ERI3: variants seen among roughly 807,000 people sequenced by gnomAD.
The protein encoded by ERI3 is ERI1 exoribonuclease family member 3.
Under a neutral mutation model 44.4 loss-of-function variants are expected in ERI3, and 18 were observed. That is an observed-to-expected ratio of 0.41 (90% CI 0.28 to 0.60). ERI3 has a LOEUF of 0.60. Among genes scored for constraint, ERI3 ranks in the 20% least tolerant of loss-of-function variants. The probability of loss-of-function intolerance (pLI) is 0.36; values close to 1 mark genes in which losing one functional copy is unlikely to be tolerated. For synonymous variants in ERI3, 183 were observed against 164.8 expected (o/e 1.11, Z -0.84); for missense variants, 294 against 435.5 (o/e 0.68, Z 2.89).
At chr1:44,326,844 C>G (rs985695382) in intron 3 of ERI3, among the ~76,000 whole-genome samples, 4 of 152,190 alleles carry the variant, frequency 2.6e-5, no homozygotes. Context: ...ATAGACACTG[C>G]TATTCTTTAT....
chr1:44,327,140 T>C (rs928893474), intron 3 of ERI3, among the ~76,000 whole-genome samples: 5 of 152,230 alleles, frequency 3.3e-5, no homozygotes, highest in Admixed American at 1.3e-4. Context: ...TAGCTACCTG[T>C]AGACACACAT....
intron 8 of ERI3, among the ~76,000 whole-genome samples, chr1:44,246,522 G>A (rs1557781972): frequency 6.6e-6 from 1 of 152,212 alleles, no homozygotes; most frequent in Non-Finnish European, 1.5e-5. Flanking sequence ...CTTCCTCTTA[G>A]CCTGAGCCCT....
At chr1:44,283,643 A>G (rs1645333454) in intron 7 of ERI3, among the ~76,000 whole-genome samples, 1 of 152,216 alleles carries the variant, frequency 6.6e-6, no homozygotes, top group Admixed American at 6.5e-5. Context: ...AGGGGGTATG[A>G]GTCAAACTGC....
At chr1:44,285,629 C>T (rs1293054455) in intron 6 of ERI3, among the ~76,000 whole-genome samples, 1 of 152,118 alleles carries the variant, frequency 6.6e-6, no homozygotes. Flanking sequence ...GATGGTTTTA[C>T]TCAGACAAAT....
chr1:44,353,556 G>A (rs1646938732), intron 1 of ERI3: 2 of 985,252 alleles, frequency 2.0e-6, no homozygotes, highest in Non-Finnish European at 2.4e-6. Context: ...ATATATTCCT[G>A]TCTACCATTC....
At chr1:44,288,493 C>A (rs765584454) in intron 6 of ERI3, among the ~76,000 whole-genome samples, 4 of 152,172 alleles carry the variant, frequency 2.6e-5, no homozygotes, top group African/African-American at 7.2e-5. Context: ...CTACCACACA[C>A]CCTACCCCAG....
intron 3 of ERI3, among the ~76,000 whole-genome samples, chr1:44,323,303 G>C (rs376658346): frequency 4.6e-5 from 7 of 152,164 alleles, no homozygotes; most frequent in African/African-American, 1.7e-4. Flanking sequence ...GACTATGAGT[G>C]GAAAAGATAG....
rs953046034 is a variant in ERI3, at chr1:44,352,897, G to C, written c.164C>G (p.Pro55Arg). The C allele has an allele frequency of 3.7e-6, 6 of 1,614,002 alleles. No homozygotes were observed. In the African/African-American group the frequency reaches 8.0e-5, roughly 22 times the overall value. Residue 55 changes from proline to arginine, a missense_variant, in exon 2 of 9, where the codon CCT becomes CGT. Transcript: ENST00000372257. ...GHWGFPALTEPSASPAAGLGI... is the reference protein window; with the variant it reads ...GHWGFPALTERSASPAAGLGI... ...AAGACCGGCAGCTGGGGATGCTGAA[G>C]GTTCTGTGAGAGCTGGAAAGCCCCA...
At chr1:44,285,665 C>T (rs1297611700) in intron 6 of ERI3, among the ~76,000 whole-genome samples, 1 of 152,116 alleles carries the variant, frequency 6.6e-6, no homozygotes, top group Non-Finnish European at 1.5e-5. Flanking sequence ...TGCACTGATG[C>T]TTAACAAGGG....
chr1:44,228,715 A>G lies in ERI3; in HGVS notation c.932-7075T>C, dbSNP rs1452064513. Among the ~76,000 whole-genome samples the G allele has an allele frequency of 2.0e-5, 3 of 152,238 alleles. No individual in the cohort carries two copies. The highest frequency in any genetic ancestry group is 7.2e-5 in the African/African-American group (3 of 41,558). ...GGAGGGGGGGATGTGCCTGGCCGGG[A>G]GGGCACAGTGCCTGGAAACCCCTTT... On this transcript the variant is annotated intron_variant, in intron 8 of 8. Coordinates refer to ENST00000372257, the MANE Select transcript of ERI3 (RefSeq NM_024066.3). This position sits in a 1 kb window ranked among gnomAD's most constrained non-coding sequence, Gnocchi z 4.3.
At chr1:44,315,358 C>G (rs1646064644) in intron 4 of ERI3, among the ~76,000 whole-genome samples, 2 of 152,234 alleles carry the variant, frequency 1.3e-5, no homozygotes, top group South Asian at 4.1e-4. Flanking sequence ...AGGTCAGCAC[C>G]TGTGTGTACC....
chr1:44,339,422 T>C (rs572956776), intron 2 of ERI3, 100 bp from the exon 3 acceptor site: 1 of 1,278,686 alleles, frequency 7.8e-7, no homozygotes, highest in Admixed American at 2.9e-5. Context: ...TGTGGCCCTG[T>C]TCCATCTAGT....
At chr1:44,276,519 T>C (rs1246342617) in intron 7 of ERI3, among the ~76,000 whole-genome samples, 2 of 152,176 alleles carry the variant, frequency 1.3e-5, no homozygotes, top group Admixed American at 6.5e-5. Flanking sequence ...TTCTTTTCCA[T>C]ACAACATCAG....
chr1:44,254,838 C>T (rs1644749903), intron 7 of ERI3, among the ~76,000 whole-genome samples: 1 of 151,686 alleles, frequency 6.6e-6, no homozygotes, highest in South Asian at 2.1e-4. Context: ...AGGCCAACAC[C>T]GTACTTGTGC....
At chr1:44,237,361 T>A (rs1049774100) in intron 8 of ERI3, among the ~76,000 whole-genome samples, 1 of 152,120 alleles carries the variant, frequency 6.6e-6, no homozygotes, top group Non-Finnish European at 1.5e-5. Flanking sequence ...CCCACAATGA[T>A]CTCTTTCCCA....
chr1:44,306,615 T>C (rs1645839262), intron 6 of ERI3, among the ~76,000 whole-genome samples: 1 of 152,198 alleles, frequency 6.6e-6, no homozygotes, highest in Non-Finnish European at 1.5e-5. Context: ...TCCCTCTCCA[T>C]CTCATGGGGA....
chr1:44,338,147 T>A (rs1204134866), intron 3 of ERI3, among the ~76,000 whole-genome samples: 1 of 152,164 alleles, frequency 6.6e-6, no homozygotes, highest in African/African-American at 2.4e-5. Flanking sequence ...GCAAAGAAAT[T>A]GTCCTTTCCA....
intron 7 of ERI3, among the ~76,000 whole-genome samples, chr1:44,257,441 C>G (rs1359510279): frequency 1.3e-5 from 2 of 152,092 alleles, no homozygotes; most frequent in African/African-American, 4.8e-5. Flanking sequence ...CTTTCCACAT[C>G]CAGGGCTGGC....
Position 44,235,383 on chromosome 1 carries a change from C to G in ERI3, c.931+12556G>C, listed in dbSNP as rs1644280558. 6.6e-6 allele frequency among the ~76,000 whole-genome samples: 1 copy of G among 152,170 alleles called. No homozygotes were observed. The highest frequency in any genetic ancestry group is 1.5e-5 in the Non-Finnish European group (1 of 68,018). On this transcript the variant is annotated intron_variant, in intron 8 of 8. Transcript: ENST00000372257. The surrounding 1 kb of genome is among the most constrained non-coding windows in gnomAD (Gnocchi z 4.6). ...TAGTGCTTCCTCTAGGTGCCTTCCC[C>G]CCATCCCGCCTTTGTGTTAGGAACC...
Sources: allele counts gnomAD v4.1 joint callset (sites outside exome capture counted in the v4.1 genomes callset), GRCh38; gene constraint gnomAD v4.1.1; non-coding constraint Gnocchi (gnomAD v3.1); transcripts MANE v1.5; gene names NCBI Gene and HGNC (gene_info 2026-07-23, HGNC 2026-07-21).